The following SND1 variants were observed in gnomAD, a reference collection of about 807,000 sequenced individuals.
SND1 encodes staphylococcal nuclease and tudor domain containing 1, also known as staphylococcal nuclease domain-containing protein 1.
In SND1, 38 loss-of-function variants were observed where a neutral mutation model predicts 121.7. The observed-to-expected ratio is 0.31, with a 90% CI of 0.24 to 0.41. The LOEUF is 0.41. SND1 is among the 10% of genes least tolerant of loss of function. The pLI is 1.00. For synonymous variants in SND1, 401 were observed against 447.4 expected (o/e 0.90, Z 1.31); for missense variants, 868 against 1,184.6 (o/e 0.73, Z 3.92).
intron 13 of SND1, among the ~76,000 whole-genome samples, chr7:127,892,574 A>T (rs543550895): frequency 4.6e-5 from 7 of 152,248 alleles, no homozygotes; most frequent in African/African-American, 1.7e-4. Context: ...TAAACCTCAC[A>T]TTCCCAAAAG....
At chr7:127,893,119 C>G (rs1285340148) in intron 13 of SND1, among the ~76,000 whole-genome samples, 16 of 152,078 alleles carry the variant, frequency 1.1e-4, no homozygotes, top group Non-Finnish European at 1.5e-5. Flanking sequence ...TGAGTCATTA[C>G]CGGGACCCTT....
chr7:127,843,423 T>C (rs1259432277), intron 11 of SND1, among the ~76,000 whole-genome samples: 1 of 152,222 alleles, frequency 6.6e-6, no homozygotes, highest in African/African-American at 2.4e-5. Context: ...TTCTAACTCC[T>C]GGCAACCACT....
chr7:127,976,882 G>A (rs1360807782), intron 15 of SND1, among the ~76,000 whole-genome samples: 1 of 152,200 alleles, frequency 6.6e-6, no homozygotes, highest in Non-Finnish European at 1.5e-5. Flanking sequence ...GGCCGTGGAG[G>A]CAGGAAACCT....
chr7:128,041,102 C>CT (rs1182306072), intron 16 of SND1, among the ~76,000 whole-genome samples: 9 of 152,242 alleles, frequency 5.9e-5, no homozygotes, highest in Admixed American at 5.9e-4. Context: ...CATCCCACCC[C>CT]TTCCCATCTT....
intron 10 of SND1, among the ~76,000 whole-genome samples, chr7:127,764,811 C>T (rs1320475154): frequency 1.3e-5 from 2 of 152,092 alleles, no homozygotes; most frequent in African/African-American, 4.8e-5. Context: ...CTAATGGGCC[C>T]CTGGGAAATG....
intron 12 of SND1, among the ~76,000 whole-genome samples, chr7:127,852,207 A>T (rs548634693): frequency 1.3e-5 from 2 of 151,686 alleles, no homozygotes; most frequent in African/African-American, 4.8e-5. Context: ...TAAATAAAAA[A>T]AATAATCCTG....
At chr7:127,678,199 C>A (rs925830357) in intron 1 of SND1, among the ~76,000 whole-genome samples, 1 of 152,170 alleles carries the variant, frequency 6.6e-6, no homozygotes, top group African/African-American at 2.4e-5. Context: ...GAAACTTCAA[C>A]CCCAATCCTT....
In SND1 at chr7:127,652,333, T is replaced by G. The variant is rs553763645; in HGVS notation, c.-41T>G. 1.7e-5 allele frequency: 26 copies of G among 1,542,434 alleles called. No homozygotes were observed. In the South Asian group the frequency reaches 3.0e-4, roughly 18 times the overall value. The stretch of plus-strand genomic sequence containing the variant: ...CCGACACCCACATTGACACCTCCAG[T>G]CCGGCCAGCCGCTCCACTCGTTGCC... On this transcript the variant is annotated 5_prime_UTR_variant, in exon 1 of 24. Transcript: ENST00000354725.
At chr7:127,958,780 A>G (rs1300089265) in intron 15 of SND1, among the ~76,000 whole-genome samples, 1 of 152,182 alleles carries the variant, frequency 6.6e-6, no homozygotes, top group Non-Finnish European at 1.5e-5. Flanking sequence ...GGAGAGCTGC[A>G]GAAGAGTAAA....
At chr7:127,778,100 C>G (rs2116512705) in intron 10 of SND1, among the ~76,000 whole-genome samples, 1 of 152,198 alleles carries the variant, frequency 6.6e-6, no homozygotes, top group African/African-American at 2.4e-5. Flanking sequence ...ACATTGTGCC[C>G]CTTACCTTCC....
At chr7:128,011,459 T>C (rs2116948580) in intron 16 of SND1, among the ~76,000 whole-genome samples, 1 of 152,368 alleles carries the variant, frequency 6.6e-6, no homozygotes, top group African/African-American at 2.4e-5. Flanking sequence ...TTTCCTTCTC[T>C]TCATCCTGTC....
chr7:128,007,532 C>T (rs373851499), intron 16 of SND1, among the ~76,000 whole-genome samples: 1 of 152,346 alleles, frequency 6.6e-6, no homozygotes, highest in African/African-American at 2.4e-5. Flanking sequence ...CATCTTCTTC[C>T]TTCAGCCAAG....
intron 12 of SND1, among the ~76,000 whole-genome samples, chr7:127,853,686 C>T (rs1026420639): frequency 3.9e-5 from 6 of 152,150 alleles, no homozygotes; most frequent in Admixed American, 6.5e-5. Context: ...TTCAAAGTTC[C>T]ATAGGGTTTA....
chr7:128,073,265 T>C (rs1390286687), intron 16 of SND1, among the ~76,000 whole-genome samples: 1 of 152,224 alleles, frequency 6.6e-6, no homozygotes, highest in Non-Finnish European at 1.5e-5. Flanking sequence ...ATGTTCTCCA[T>C]TATCTCTTTT....
chr7:127,920,430 A>T (rs1384631238), intron 14 of SND1, among the ~76,000 whole-genome samples: 1 of 152,140 alleles, frequency 6.6e-6, no homozygotes, highest in Non-Finnish European at 1.5e-5. Flanking sequence ...AACTCTTGGG[A>T]GGAAGCTCTC....
chr7:127,831,177 G>A (rs1418085093), intron 11 of SND1, among the ~76,000 whole-genome samples: 1 of 152,206 alleles, frequency 6.6e-6, no homozygotes, highest in African/African-American at 2.4e-5. Flanking sequence ...CTCTGCTGAT[G>A]AGAAACAGGA....
At chr7:127,863,081 C>T (rs1194526785) in intron 12 of SND1, among the ~76,000 whole-genome samples, 6 of 152,126 alleles carry the variant, frequency 3.9e-5, no homozygotes, top group Admixed American at 1.3e-4. Context: ...GCGGAGTCCA[C>T]GAGGAGTGAC....
chr7:127,897,313 G>C (rs1176824079), intron 13 of SND1, among the ~76,000 whole-genome samples: 2 of 152,110 alleles, frequency 1.3e-5, no homozygotes, highest in African/African-American at 4.8e-5. Flanking sequence ...TTTCCAAACT[G>C]AACATTGTCA....
At chr7:127,954,565 C>G (rs1005465156) in intron 15 of SND1, among the ~76,000 whole-genome samples, 3 of 152,160 alleles carry the variant, frequency 2.0e-5, no homozygotes, top group African/African-American at 7.2e-5. Context: ...CAGGCTCCAT[C>G]CATGTGACCA....
Sources: gnomAD v4.1 joint callset for allele counts (sites outside exome capture counted in the v4.1 genomes callset) on GRCh38, gnomAD v4.1.1 for gene constraint, MANE v1.5 for transcripts, NCBI Gene and HGNC (gene_info 2026-07-23, HGNC 2026-07-21) for gene names.